SLC9A1: variants seen among roughly 807,000 people sequenced by gnomAD.
The protein encoded by SLC9A1 is sodium/hydrogen exchanger 1.
A neutral mutation model predicts 67.9 loss-of-function variants in SLC9A1; 22 were observed. The observed-to-expected ratio is 0.32, with a 90% CI of 0.23 to 0.46. The LOEUF is 0.46. Among genes scored for constraint, SLC9A1 ranks in the 20% least tolerant of loss-of-function variants. The pLI is 1.00. For missense variants in SLC9A1, 686 were observed against 1,094.8 expected (o/e 0.63, Z 5.27); for synonymous variants, 421 against 471.8 (o/e 0.89, Z 1.40).
rs749600897 is a variant in SLC9A1 at position 27,100,586 on chromosome 1, G to T, written c.2169C>A (p.Ser723=). The change falls in exon 12 of 12, where the codon TCC becomes TCA. Residue 723 remains serine (S), a synonymous_variant. Transcript: ENST00000263980. The surrounding 1 kb of genome is among the most constrained non-coding windows in gnomAD (Gnocchi z 5.6). Reference sequence around the variant, plus strand: ...GGTCCACAGACTCGGGTGACTGCGGGGAAGCCGGGTCGATGGTGATGACAG... The same window carrying T: ...GGTCCACAGACTCGGGTGACTGCGGTGAAGCCGGGTCGATGGTGATGACAG... ...DLPVITIDPA[S]PQSPESVDLV... is the part of the protein sequence containing the mutation. 1.9e-6 allele frequency: 3 copies of T among 1,613,722 alleles called. No homozygotes were observed. Among genetic ancestry groups the T allele is most frequent in the Non-Finnish European group, 8.5e-7 (1 of 1,179,832 alleles).
chr1:27,141,620 G>A (rs866952053), intron 1 of SLC9A1, among the ~76,000 whole-genome samples: 4 of 152,232 alleles, frequency 2.6e-5, no homozygotes, highest in East Asian at 1.9e-4. Context: ...CATCTGTACC[G>A]CATTTCTCAA....
At chr1:27,136,602 G>A (rs944372879) in intron 1 of SLC9A1, among the ~76,000 whole-genome samples, 1 of 152,086 alleles carries the variant, frequency 6.6e-6, no homozygotes, top group Non-Finnish European at 1.5e-5. Flanking sequence ...GCCCTGCCCA[G>A]GCTTCCCTCC....
At chr1:27,147,846 T>C (rs894057926) in intron 1 of SLC9A1, among the ~76,000 whole-genome samples, 27 of 151,102 alleles carry the variant, frequency 1.8e-4, no homozygotes, top group Non-Finnish European at 5.9e-5. Flanking sequence ...AATACAAAAT[T>C]AGCCAGGTGT....
intron 1 of SLC9A1, among the ~76,000 whole-genome samples, chr1:27,134,881 C>T (rs1320743892): frequency 6.6e-6 from 1 of 152,014 alleles, no homozygotes; most frequent in South Asian, 2.1e-4. Flanking sequence ...GGACTTCAGG[C>T]ATGTGCCACC....
At position 27,114,675 on chromosome 1, in the gene SLC9A1, T is replaced by C. The variant is rs777529939; in HGVS notation, c.353-389A>G. 6.6e-6 allele frequency among the ~76,000 whole-genome samples: 1 copy of C among 152,154 alleles called. No individual in the cohort carries two copies. The highest frequency in any genetic ancestry group is 2.4e-5 in the African/African-American group (1 of 41,430). On this transcript the variant is annotated intron_variant, in intron 1 of 11. Transcript: ENST00000263980. The surrounding 1 kb of genome is among the most constrained non-coding windows in gnomAD (Gnocchi z 5.4). ...ACCTACGCCTGAACCCAAGGCATTATTCCAGGCACAAGTTCAGGGAGGCAG... is the reference window on the plus strand; with the variant it reads ...ACCTACGCCTGAACCCAAGGCATTACTCCAGGCACAAGTTCAGGGAGGCAG...
intron 1 of SLC9A1, among the ~76,000 whole-genome samples, chr1:27,126,724 A>G (rs904908528): frequency 6.6e-6 from 1 of 152,216 alleles, no homozygotes; most frequent in African/African-American, 2.4e-5. Flanking sequence ...ACACATAGTA[A>G]GGATAAAGAC....
Position 27,101,919 on chromosome 1 carries a change from G to A in SLC9A1, c.1936-93C>T. On this transcript the variant is annotated intron_variant, in intron 9 of 11. Coordinates refer to ENST00000263980, the MANE Select transcript of SLC9A1 (RefSeq NM_003047.5). This position sits in a 1 kb window ranked among gnomAD's most constrained non-coding sequence, Gnocchi z 4.9. ...GTGCTGGAGGCCGGGCCAGTCCTGG[G>A]GTGGGTGCCGAGGGGCACGGGCAGG... 15 of 1,413,008 alleles carry A rather than the reference G, an allele frequency of 1.1e-5. No homozygotes were observed. The highest frequency in any genetic ancestry group is 1.5e-5 in the Non-Finnish European group (15 of 1,002,114). The allele number at this position is 1,413,008 out of a possible 1,614,324, so 87.5% of individuals were successfully genotyped here. A position where few individuals can be genotyped will look rare whatever the true frequency, so the allele number is the denominator to read the frequency against.
chr1:27,120,501 GC>G (rs2083297863), intron 1 of SLC9A1, among the ~76,000 whole-genome samples: 2 of 151,754 alleles, frequency 1.3e-5, no homozygotes, highest in South Asian at 4.2e-4. Context: ...ACTTTGGGAG[GC>G]CGAGGCGGGT....
chr1:27,103,401 G>A (rs1239826153), intron 5 of SLC9A1, 89 bp from the exon 6 acceptor site: 4 of 903,736 alleles, frequency 4.4e-6, no homozygotes, highest in Non-Finnish European at 7.5e-6. Context: ...AGGCCCCCAA[G>A]GCTAGGATGC....
At position 27,100,516 on chromosome 1, in the gene SLC9A1, C is replaced by A. The variant is rs772178959; in HGVS notation, c.2239G>T (p.Asp747Tyr). Reference protein sequence around the residue: ...LKGKVLGLSRDPAKVAEEDED... With the variant: ...LKGKVLGLSRYPAKVAEEDED... ...TCCTCCTCAGCCACCTTTGCAGGAT[C>A]CCGGCTCAACCCTAAGACTTTGCCC... Residue 747 changes from aspartate to tyrosine, a missense_variant, in exon 12 of 12, where the codon GAT becomes TAT. By Grantham distance (160) the Asp-to-Tyr change is radical. Coordinates refer to ENST00000263980, the MANE Select transcript of SLC9A1 (RefSeq NM_003047.5). This position sits in a 1 kb window ranked among gnomAD's most constrained non-coding sequence, Gnocchi z 5.6. 6.2e-7 allele frequency: 1 copy of A among 1,614,128 alleles called. No individual in the cohort carries two copies. The highest frequency in any genetic ancestry group is 1.3e-5 in the African/African-American group (1 of 75,052).
At chr1:27,124,328 A>AT in intron 1 of SLC9A1, among the ~76,000 whole-genome samples, 1 of 152,172 alleles carries the variant, frequency 6.6e-6, no homozygotes, top group Non-Finnish European at 1.5e-5. Context: ...GAAAAAAAAA[A>AT]TTGAGTATAC....
chr1:27,133,827 C>T (rs987048687), intron 1 of SLC9A1, among the ~76,000 whole-genome samples: 6 of 150,644 alleles, frequency 4.0e-5, no homozygotes, highest in African/African-American at 7.3e-5. Flanking sequence ...TGCAGTGGCG[C>T]GATCTCGGCT....
intron 1 of SLC9A1, among the ~76,000 whole-genome samples, chr1:27,122,469 G>A (rs1457378346): frequency 1.3e-5 from 2 of 152,196 alleles, no homozygotes; most frequent in Non-Finnish European, 2.9e-5. Context: ...GCCTGGAAAT[G>A]AGAGTGAACA....
intron 2 of SLC9A1, among the ~76,000 whole-genome samples, chr1:27,111,613 T>A (rs1420808982): frequency 6.6e-6 from 1 of 151,418 alleles, no homozygotes; most frequent in African/African-American, 2.4e-5. Context: ...CCAGGCAACA[T>A]AATGAGACCC....
At chr1:27,145,861 A>C (rs1249924582) in intron 1 of SLC9A1, among the ~76,000 whole-genome samples, 2 of 152,232 alleles carry the variant, frequency 1.3e-5, no homozygotes, top group Non-Finnish European at 2.9e-5. Flanking sequence ...TTTAGGGGGA[A>C]GAAAATGAAG....
At chr1:27,153,483 T>C (rs2083544295) in intron 1 of SLC9A1, among the ~76,000 whole-genome samples, 1 of 152,236 alleles carries the variant, frequency 6.6e-6, no homozygotes. Flanking sequence ...GTAAGTTTCC[T>C]GTGCCCAGGT....
rs764788371 is a variant in SLC9A1 at position 27,102,550 on chromosome 1, C to T, written c.1655G>A (p.Arg552Gln). The T allele has an allele frequency of 6.8e-6, 11 of 1,606,934 alleles. No homozygotes were observed. The East Asian group carries it at 1.6e-4, about 23-fold the overall frequency. ...CTTCTTCACATATTTCTTATTAAAC[C>T]GGTTGAGCCTGGTGGGAGGAGGAGG... ...GHHHWKDKLN[R>Q]FNKKYVKKCL... is the part of the protein sequence containing the mutation. Residue 552 changes from arginine (R) to glutamine (Q), a missense_variant, in exon 8 of 12, where the codon CGG (arginine) becomes CAG (glutamine). Transcript: ENST00000263980.
rs1275212048 is a variant in SLC9A1, at chr1:27,101,071, G to A, written c.2110+132C>T. 1.5e-6 allele frequency: 1 copy of A among 675,738 alleles called. No individual in the cohort carries two copies. Among genetic ancestry groups the A allele is most frequent in the Non-Finnish European group, 2.6e-6 (1 of 390,768 alleles). 41.9% of individuals were successfully genotyped at this position (675,738 alleles called of 1,614,324 possible). ...CTGACGTAGAAGCAGCTCATGGCTTGGGAGGGGATCCTGAGGTCAGCGAGG... is the reference window on the plus strand; with the variant it reads ...CTGACGTAGAAGCAGCTCATGGCTTAGGAGGGGATCCTGAGGTCAGCGAGG... On this transcript the variant is annotated intron_variant, in intron 11 of 11. Transcript: ENST00000263980. This position sits in a 1 kb window ranked among gnomAD's most constrained non-coding sequence, Gnocchi z 4.9.
rs1307816071 is a variant in SLC9A1 at position 27,106,926 on chromosome 1, C to T, written c.1282+722G>A. On this transcript the variant is annotated intron_variant, in intron 4 of 11. Coordinates refer to ENST00000263980, the MANE Select transcript of SLC9A1 (RefSeq NM_003047.5). The surrounding 1 kb of genome is among the most constrained non-coding windows in gnomAD (Gnocchi z 4.3). ...GTCTCAGGGCCCCCTCACTTTGACA[C>T]AGCCTGACTCTGTCCCCAGAGACCA... Among the ~76,000 whole-genome samples the T allele has an allele frequency of 6.6e-6, 1 of 151,900 alleles. No homozygotes were observed. The highest frequency in any genetic ancestry group is 1.5e-5 in the Non-Finnish European group (1 of 67,936).
Sources: allele counts gnomAD v4.1 joint callset (sites outside exome capture counted in the v4.1 genomes callset), GRCh38; gene constraint gnomAD v4.1.1; non-coding constraint Gnocchi (gnomAD v3.1); transcripts MANE v1.5; gene names NCBI Gene and HGNC (gene_info 2026-07-23, HGNC 2026-07-21).